Variants in TPRKB observed in about 807,000 individuals in gnomAD.
TPRKB encodes TP53RK binding protein.
Under a neutral mutation model 17.8 loss-of-function variants are expected in TPRKB, and 11 were observed. That is an observed-to-expected ratio of 0.62 (90% CI 0.39 to 1.02). The LOEUF (loss-of-function observed/expected upper bound fraction) is 1.02. TPRKB is among the 50% of genes least tolerant of loss of function. The pLI, the probability that TPRKB is intolerant of heterozygous loss-of-function variation, is 0.00. For synonymous variants in TPRKB, 71 were observed against 69.5 expected, an observed-to-expected ratio of 1.02 and a Z score of -0.11; for missense variants, 228 against 198.0, an observed-to-expected ratio of 1.15 and a Z score of -0.91.
At chr2:73,730,533 T>G (rs778787600) in intron 4 of TPRKB, 27 bp downstream of exon 4, 2 of 1,524,220 alleles carry the variant, frequency 1.3e-6, no homozygotes, top group East Asian at 4.8e-5. Context: ...TCTATCACAC[T>G]CTTTCTAAAA....
At chr2:73,735,389 C>T (rs891203514) in intron 1 of TPRKB, among the ~76,000 whole-genome samples, 29 of 151,316 alleles carry the variant, frequency 1.9e-4, no homozygotes, top group African/African-American at 5.6e-4. Flanking sequence ...CTAATGTAAA[C>T]GATGAGTTAA....
Position 73,734,518 on chromosome 2 carries a change from G to A in TPRKB, c.52C>T (p.Leu18=), listed in dbSNP as rs1362426566. ...DLFPECRVTL[L]LFKDVKNAGD... The stretch of plus-strand genomic sequence containing the variant: ...GCATTTTTTACATCTTTAAATAACA[G>A]AAGGGTTACCCTGCATTCGGGAAAT... The change falls in exon 2 of 5, where the codon CTG becomes TTG. Residue 18 remains leucine, a synonymous_variant. Coordinates refer to ENST00000272424, the MANE Select transcript of TPRKB (RefSeq NM_016058.5). The A allele has an allele frequency of 6.2e-7, 1 of 1,614,032 alleles. No individual in the cohort carries two copies. The highest frequency in any genetic ancestry group is 1.3e-5 in the African/African-American group (1 of 75,024).
At chr2:73,736,662 G>A (rs980134217) in intron 1 of TPRKB, among the ~76,000 whole-genome samples, 2 of 152,168 alleles carry the variant, frequency 1.3e-5, no homozygotes, top group South Asian at 2.1e-4. Flanking sequence ...CCATACGCTA[G>A]GTCACATCGC....
Position 73,730,665 on chromosome 2 carries a change from C to T in TPRKB, c.336G>A (p.Glu112=), listed in dbSNP as rs752643514. 2 of 1,585,546 alleles carry T rather than the reference C, an allele frequency of 1.3e-6. No individual in the cohort carries two copies. Among genetic ancestry groups the T allele is most frequent in the Non-Finnish European group, 1.7e-6 (2 of 1,170,414 alleles). The part of the protein sequence containing the change: ...DTSILIVYIE[E]GEKQINQEYL... Reference sequence around the variant, plus strand: ...ATTCTTGATTTATTTGTTTTTCTCCCTCTTCAATGTAAACAATTAGAATTG... The same window carrying T: ...ATTCTTGATTTATTTGTTTTTCTCCTTCTTCAATGTAAACAATTAGAATTG... The change falls in exon 4 of 5, where the codon GAG becomes GAA. Residue 112 remains glutamate, a synonymous_variant. Transcript: ENST00000272424.
intron 2 of TPRKB, among the ~76,000 whole-genome samples, chr2:73,734,144 G>T (rs1445304097): frequency 6.6e-6 from 1 of 151,492 alleles, no homozygotes; most frequent in Non-Finnish European, 1.5e-5. Context: ...CGTCGCCCAG[G>T]CTGGAGTGCA....
intron 3 of TPRKB, 115 bp downstream of exon 3, chr2:73,732,048 A>G: frequency 1.7e-6 from 2 of 1,163,546 alleles, no homozygotes; most frequent in South Asian, 1.5e-5. Context: ...TCTCTTCACT[A>G]TTATTTGGGT....
Position 73,732,240 on chromosome 2 carries a change from G to A in TPRKB, c.187C>T (p.His63Tyr), listed in dbSNP as rs528748138. Residue 63 changes from histidine to tyrosine, a missense_variant, in exon 3 of 5, where the codon CAC (histidine) becomes TAC (tyrosine). Coordinates refer to ENST00000272424, the MANE Select transcript of TPRKB (RefSeq NM_016058.5). ...QILVAANKAV[H>Y]LYKLGKMKTR... is the part of the protein sequence containing the mutation. ...TTCATTTTTCCCAGTTTGTAGAGGT[G>A]AACTGCTTTGTTTGCTGCCACAAGT... 6.2e-7 allele frequency: 1 copy of A among 1,613,884 alleles called. No homozygotes were observed. The highest frequency in any genetic ancestry group is 1.1e-5 in the South Asian group (1 of 91,024).
intron 1 of TPRKB, among the ~76,000 whole-genome samples, chr2:73,736,628 A>G (rs1229937278): frequency 2.0e-5 from 3 of 152,196 alleles, no homozygotes; most frequent in African/African-American, 7.2e-5. Context: ...TGCTAAATAT[A>G]CTTTTGATTC....
chr2:73,732,607 G>A, intron 2 of TPRKB: 1 of 226,630 alleles, frequency 4.4e-6, no homozygotes, highest in Non-Finnish European at 8.9e-6. Flanking sequence ...AACTCAGGAG[G>A]CTGAGGCAGG....
At chr2:73,734,159 C>T (rs1454389687) in intron 2 of TPRKB, among the ~76,000 whole-genome samples, 6 of 151,624 alleles carry the variant, frequency 4.0e-5, no homozygotes, top group East Asian at 3.9e-4. Context: ...AGTGCAATGG[C>T]GCAATCTTGG....
Position 73,732,542 on chromosome 2 carries a change from C to T in TPRKB, c.142-257G>A, listed in dbSNP as rs188473571. 5.4e-4 allele frequency: 202 copies of T among 374,164 alleles called. 3 individuals carry two copies. In the East Asian group the frequency reaches 0.011, roughly 20 times the overall value. 23.2% of individuals were successfully genotyped at this position (374,164 alleles called of 1,614,324 possible). ...CCTGGCCAACACGGCGAAACCCTCTCTACTAAAAATACAAAAATTAGTCAG... is the reference window on the plus strand; with the variant it reads ...CCTGGCCAACACGGCGAAACCCTCTTTACTAAAAATACAAAAATTAGTCAG... On this transcript the variant is annotated intron_variant, in intron 2 of 4. Coordinates refer to ENST00000272424, the MANE Select transcript of TPRKB (RefSeq NM_016058.5).
intron 1 of TPRKB, among the ~76,000 whole-genome samples, chr2:73,736,563 A>C (rs942456842): frequency 6.6e-6 from 1 of 152,176 alleles, no homozygotes; most frequent in African/African-American, 2.4e-5. Context: ...CATCGTTGAG[A>C]CCCAACCTGT....
chr2:73,730,023 T>C lies in TPRKB; in HGVS notation c.448A>G (p.Lys150Glu), dbSNP rs1461532060. The C allele has an allele frequency of 1.3e-6, 2 of 1,561,326 alleles. No individual in the cohort carries two copies. The highest frequency in any genetic ancestry group is 2.4e-5 in the South Asian group (2 of 84,272). ...MNITEVKKIY[K>E]LSSQEESIGT... ...ATACTTTCTTCTTGTGAAGAGAGTTTATATATCTGTAAAAATGAAAGACAA... is the reference window on the plus strand; with the variant it reads ...ATACTTTCTTCTTGTGAAGAGAGTTCATATATCTGTAAAAATGAAAGACAA... Residue 150 changes from lysine (K) to glutamate (E), a missense_variant, in exon 5 of 5, where the codon AAA (lysine) becomes GAA (glutamate). By Grantham distance (56) the Lys-to-Glu change is moderately conservative. Transcript: ENST00000272424.
In TPRKB at chr2:73,733,815, T is replaced by TC. The variant is rs1491093194; in HGVS notation, c.141+613_141+614insG. 3.0e-5 allele frequency among the ~76,000 whole-genome samples: 3 copies of TC among 100,880 alleles called. No homozygotes were observed. The African/African-American group carries it at 4.3e-4, about 14-fold the overall frequency. The allele number at this position is 100,880 out of a possible 152,430, so 66.2% of individuals were successfully genotyped here. On this transcript the variant is annotated intron_variant, in intron 2 of 4. Transcript: ENST00000272424. The stretch of plus-strand genomic sequence containing the variant: ...AATGCCCTGTATGGCTCATTCATTC[T>TC]TTTTTTTTTTTTTTTTTTTTGAGGC...
chr2:73,732,466 C>T (rs1033290539), intron 2 of TPRKB, 181 bp from the exon 3 acceptor site: 2 of 632,884 alleles, frequency 3.2e-6, no homozygotes, highest in Non-Finnish European at 5.2e-6. Context: ...AATCCTAGCA[C>T]TTTGGGAGGC....
chr2:73,732,323 G>T, intron 2 of TPRKB, 38 bp from the exon 3 acceptor site: 3 of 1,597,858 alleles, frequency 1.9e-6, no homozygotes, highest in Non-Finnish European at 2.6e-6. Flanking sequence ...TACACATGGA[G>T]AATCTGCAGT....
chr2:73,730,375 A>G, intron 4 of TPRKB, 185 bp downstream of exon 4: 1 of 491,062 alleles, frequency 2.0e-6, no homozygotes, highest in South Asian at 3.5e-5. Flanking sequence ...TGAGTTTGTA[A>G]TTATATTTTA....
chr2:73,733,164 A>G (rs1671704039), intron 2 of TPRKB, among the ~76,000 whole-genome samples: 1 of 151,726 alleles, frequency 6.6e-6, no homozygotes. Context: ...CACTATATAA[A>G]GGTTGGTTAT....
At chr2:73,732,529 G>A (rs1454826671) in intron 2 of TPRKB, 6 of 412,686 alleles carry the variant, frequency 1.5e-5, no homozygotes, top group Non-Finnish European at 2.2e-5. Context: ...TGGCCAACAC[G>A]GCGAAACCCT....
Sources: gnomAD v4.1 joint callset for allele counts (sites outside exome capture counted in the v4.1 genomes callset) on GRCh38, gnomAD v4.1.1 for gene constraint, MANE v1.5 for transcripts, NCBI Gene and HGNC (gene_info 2026-07-23, HGNC 2026-07-21) for gene names.